Variants in VRK1 observed in about 807,000 individuals in gnomAD.
VRK1 encodes the protein VRK serine/threonine kinase 1, also known as serine/threonine-protein kinase VRK1.
Under a neutral mutation model 57.1 loss-of-function variants are expected in VRK1, and 33 were observed. The ratio of observed to expected loss-of-function variants is 0.58; its 90% CI spans 0.44 to 0.77. VRK1 has a LOEUF of 0.77. Ranked by LOEUF, VRK1 falls within the 30% of genes least tolerant of loss-of-function variation. The pLI is 0.00. For missense variants in VRK1, 413 were observed against 477.3 expected (o/e 0.87, Z 1.25); for synonymous variants, 137 against 147.8 (o/e 0.93, Z 0.53).
intron 1 of VRK1, among the ~76,000 whole-genome samples, chr14:96,822,967 G>T (rs1202460201): frequency 6.6e-6 from 1 of 152,106 alleles, no homozygotes; most frequent in African/African-American, 2.4e-5. Flanking sequence ...CCACCTTAGG[G>T]TCTTTGCACA....
intron 1 of VRK1, among the ~76,000 whole-genome samples, chr14:96,821,752 A>G (rs1384295849): frequency 6.6e-6 from 1 of 152,178 alleles, no homozygotes; most frequent in East Asian, 1.9e-4. Context: ...AAGTCCTTAC[A>G]ATAGCCTGAG....
rs150534939 is a variant in VRK1, at chr14:96,856,179, A to G, written c.759A>G (p.Gln253=). 7.9e-5 allele frequency: 128 copies of G among 1,613,826 alleles called. No individual in the cohort carries two copies. The highest frequency in any genetic ancestry group is 3.6e-4 in the African/African-American group (27 of 75,056). Residue 253 remains glutamine (Q), a synonymous_variant, in exon 9 of 13, where the codon CAA becomes CAG. Transcript: ENST00000216639. ...AAATACTTGGTTATTGCATGATCCA[A>G]TGGCTTACTGGCCATCTTCCTTGGG... The part of the protein sequence containing the change: ...DLEILGYCMI[Q]WLTGHLPWED...
chr14:96,808,775 C>A (rs1886027592), intron 1 of VRK1, among the ~76,000 whole-genome samples: 1 of 150,914 alleles, frequency 6.6e-6, no homozygotes, highest in Non-Finnish European at 1.5e-5. Flanking sequence ...GGTTATCTAT[C>A]CCTGCATAAC....
chr14:96,818,568 G>A (rs1886478353), intron 1 of VRK1, among the ~76,000 whole-genome samples: 1 of 152,068 alleles, frequency 6.6e-6, no homozygotes, highest in African/African-American at 2.4e-5. Context: ...TGAATTTATG[G>A]GATCATTATC....
At chr14:96,867,456 AGTGT>A (rs34415863) in intron 11 of VRK1, among the ~76,000 whole-genome samples, 64,059 of 148,288 alleles carry the variant, frequency 0.43, 14,199 homozygotes, top group Non-Finnish European at 0.5. Flanking sequence ...TCTGTGCACA[AGTGT>A]GTGTGTGTGT....
At chr14:96,847,610 G>C (rs535069882) in intron 5 of VRK1, among the ~76,000 whole-genome samples, 8 of 151,892 alleles carry the variant, frequency 5.3e-5, no homozygotes, top group Non-Finnish European at 1.0e-4. Flanking sequence ...GAACCCAACT[G>C]ACAAGGAGGA....
intron 11 of VRK1, among the ~76,000 whole-genome samples, chr14:96,861,494 A>T (rs1265869893): frequency 6.6e-6 from 1 of 152,168 alleles, no homozygotes; most frequent in Non-Finnish European, 1.5e-5. Flanking sequence ...TTTTTTTTAC[A>T]TTATTAACCA....
At chr14:96,834,078 T>A (rs557299180) in intron 2 of VRK1, among the ~76,000 whole-genome samples, 75 of 152,322 alleles carry the variant, frequency 4.9e-4, no homozygotes, top group African/African-American at 1.7e-3. Flanking sequence ...GAGAATTACC[T>A]AGAAACTGCA....
At chr14:96,806,654 G>C (rs1224894683) in intron 1 of VRK1, among the ~76,000 whole-genome samples, 1 of 152,144 alleles carries the variant, frequency 6.6e-6, no homozygotes, top group Non-Finnish European at 1.5e-5. Context: ...ACTGCAAACT[G>C]TATACATGAG....
intron 10 of VRK1, among the ~76,000 whole-genome samples, chr14:96,859,829 C>T (rs80217435): frequency 0.064 from 9,724 of 152,050 alleles, 358 homozygotes; most frequent in South Asian, 0.11. Flanking sequence ...AGAGTTTAGA[C>T]GTGGGTTTGT....
intron 4 of VRK1, among the ~76,000 whole-genome samples, chr14:96,846,543 T>C (rs1015452415): frequency 5.3e-5 from 8 of 152,054 alleles, no homozygotes; most frequent in Admixed American, 3.9e-4. Context: ...TGAGGACTTT[T>C]ATATTGAGGA....
chr14:96,864,877 A>G (rs146257534), intron 11 of VRK1, among the ~76,000 whole-genome samples: 1 of 151,652 alleles, frequency 6.6e-6, no homozygotes, highest in East Asian at 1.9e-4. Context: ...AGCCTTGATA[A>G]TCCTTTTTTT....
intron 1 of VRK1, among the ~76,000 whole-genome samples, chr14:96,825,063 G>GT (rs1433103117): frequency 6.6e-6 from 1 of 152,134 alleles, no homozygotes; most frequent in East Asian, 1.9e-4. Flanking sequence ...AATTAATAGT[G>GT]TAAGTCTTGA....
intron 11 of VRK1, among the ~76,000 whole-genome samples, chr14:96,870,292 G>A (rs529722038): frequency 5.3e-5 from 8 of 152,210 alleles, no homozygotes; most frequent in East Asian, 1.9e-4. Context: ...TATATAGAAA[G>A]TTCAAGGCAT....
intron 11 of VRK1, among the ~76,000 whole-genome samples, 187 bp from the exon 12 acceptor site, chr14:96,875,843 C>T (rs1889005930): frequency 1.3e-5 from 2 of 152,206 alleles, no homozygotes; most frequent in Admixed American, 1.3e-4. Context: ...TGTACTCCCC[C>T]TTTCTTCCAT....
Position 96,833,516 on chromosome 14 carries a change from A to G in VRK1, c.45A>G (p.Ala15=), listed in dbSNP as rs2145635. Residue 15 remains alanine, a synonymous_variant, in exon 2 of 13, where the codon GCA becomes GCG. Coordinates refer to ENST00000216639, the MANE Select transcript of VRK1 (RefSeq NM_003384.3). ...KAAQAGRQSS[A]KRHLAEQFAV... Reference sequence around the variant, plus strand: ...CTCAAGCTGGAAGACAGAGCTCTGCAAAGAGACATCTTGCAGAACAATTTG... The same window carrying G: ...CTCAAGCTGGAAGACAGAGCTCTGCGAAGAGACATCTTGCAGAACAATTTG... 602,787 of 1,613,514 alleles carry G rather than the reference A, an allele frequency of 0.37. 116,249 individuals are homozygous for G. The highest frequency in any genetic ancestry group is 0.43 in the South Asian group (38,994 of 91,074).
intron 3 of VRK1, among the ~76,000 whole-genome samples, chr14:96,842,533 A>G (rs1460654637): frequency 1.3e-5 from 2 of 152,232 alleles, no homozygotes; most frequent in Non-Finnish European, 2.9e-5. Context: ...ATGGCTATTT[A>G]TGAAGAAAAT....
chr14:96,800,984 T>C (rs1165724330), intron 1 of VRK1, among the ~76,000 whole-genome samples: 1 of 152,174 alleles, frequency 6.6e-6, no homozygotes, highest in Non-Finnish European at 1.5e-5. Flanking sequence ...AGGAACAATA[T>C]AGTTGGTCCT....
chr14:96,857,975 A>T (rs146498833), intron 10 of VRK1, among the ~76,000 whole-genome samples: 3 of 152,182 alleles, frequency 2.0e-5, no homozygotes, highest in African/African-American at 7.2e-5. Context: ...TGTCCTCTTG[A>T]AATTATTGTT....
Sources: allele counts gnomAD v4.1 joint callset (sites outside exome capture counted in the v4.1 genomes callset), GRCh38; gene constraint gnomAD v4.1.1; transcripts MANE v1.5; gene names NCBI Gene and HGNC (gene_info 2026-07-23, HGNC 2026-07-21).